VRK3: variants seen among roughly 807,000 people sequenced by gnomAD.
VRK3 encodes VRK serine/threonine kinase 3, also known as serine/threonine-protein kinase VRK3.
Under a neutral mutation model 60.4 loss-of-function variants are expected in VRK3, and 50 were observed. That is an observed-to-expected ratio of 0.83 (90% CI 0.66 to 1.05). The LOEUF is 1.05. Ranked by LOEUF, VRK3 falls within the 50% of genes least tolerant of loss-of-function variation. VRK3 has a pLI of 0.00. For synonymous variants in VRK3, 246 were observed against 227.8 expected (o/e 1.08, Z -0.72); for missense variants, 549 against 585.3 (o/e 0.94, Z 0.64).
chr19:50,007,577 A>G lies in VRK3; in HGVS notation c.539T>C (p.Leu180Pro), dbSNP rs373392451. 1 of 1,614,192 alleles carries G rather than the reference A, an allele frequency of 6.2e-7. No individual in the cohort carries two copies. The highest frequency in any genetic ancestry group is 8.5e-7 in the Non-Finnish European group (1 of 1,180,038). The change falls in exon 5 of 15, where the codon CTC (leucine) becomes CCC (proline). Residue 180 changes from leucine to proline, a missense_variant. Coordinates refer to ENST00000316763, the MANE Select transcript of VRK3 (RefSeq NM_016440.4). ...SFQTRDNQGI[L>P]YEAAPTSTLT... Reference sequence around the variant, plus strand: ...CCATGGACAGAGTGTACCTTCATAGAGAATGCCCTGGTTGTCCCTGGTCTG... The same window carrying G: ...CCATGGACAGAGTGTACCTTCATAGGGAATGCCCTGGTTGTCCCTGGTCTG...
At chr19:49,995,774 A>C (rs1267590526) in intron 7 of VRK3, among the ~76,000 whole-genome samples, 1 of 151,982 alleles carries the variant, frequency 6.6e-6, no homozygotes, top group Non-Finnish European at 1.5e-5. Context: ...TTTGAGACGA[A>C]GTTTTGCTCT....
chr19:50,013,735 ACAG>A (rs896188238), intron 3 of VRK3, among the ~76,000 whole-genome samples: 5 of 152,222 alleles, frequency 3.3e-5, no homozygotes, highest in African/African-American at 1.2e-4. Flanking sequence ...TGCTGTGCAA[ACAG>A]CAGGTTACAA....
chr19:49,986,086 C>T lies in VRK3; in HGVS notation c.1217+2286G>A, dbSNP rs117303106. ...AGTCAGTAGAAGGAAGTCAAAATGA[C>T]GACACACATCCCCTTCTCTGAAGGA... On this transcript the variant is annotated intron_variant, in intron 12 of 14. Coordinates refer to ENST00000316763, the MANE Select transcript of VRK3 (RefSeq NM_016440.4). 5.2e-3 allele frequency among the ~76,000 whole-genome samples: 792 copies of T among 152,310 alleles called. 4 individuals carry two copies. Among genetic ancestry groups the T allele is most frequent in the Non-Finnish European group, 9.0e-3 (615 of 68,034 alleles).
intron 10 of VRK3, among the ~76,000 whole-genome samples, chr19:49,991,678 G>A (rs1331977960): frequency 6.6e-6 from 1 of 152,176 alleles, no homozygotes; most frequent in Non-Finnish European, 1.5e-5. Context: ...AAGCTTTGGG[G>A]ATTTAAGCCT....
chr19:49,983,496 A>G (rs1333595154), intron 12 of VRK3, among the ~76,000 whole-genome samples: 1 of 152,166 alleles, frequency 6.6e-6, no homozygotes, highest in Non-Finnish European at 1.5e-5. Context: ...TTGTGCCATC[A>G]ACAGGACATT....
intron 12 of VRK3, chr19:49,981,768 C>A (rs573918714): frequency 1.9e-6 from 2 of 1,032,484 alleles, no homozygotes; most frequent in African/African-American, 1.7e-5. Flanking sequence ...AGGTGACCTC[C>A]CCACCCGTCC....
In VRK3 at chr19:50,004,795, A is replaced by G. The variant is rs529486030; in HGVS notation, c.547+2774T>C. Among the ~76,000 whole-genome samples the G allele has an allele frequency of 5.9e-5, 9 of 152,048 alleles. No homozygotes were observed. In the South Asian group the frequency reaches 1.9e-3, roughly 32 times the overall value. Reference sequence around the variant, plus strand: ...CGTGGTGGCGCCTGCCTGTAGTCCAAGCTACTCGGGAGGCTGAGGGGGGAG... The same window carrying G: ...CGTGGTGGCGCCTGCCTGTAGTCCAGGCTACTCGGGAGGCTGAGGGGGGAG... On this transcript the variant is annotated intron_variant, in intron 5 of 14. Transcript: ENST00000316763.
At chr19:49,987,351 G>C (rs142567492) in intron 12 of VRK3, among the ~76,000 whole-genome samples, 171 of 152,222 alleles carry the variant, frequency 1.1e-3, no homozygotes, top group African/African-American at 3.9e-3. Flanking sequence ...GCTGTTCTTG[G>C]TGCTGAACAC....
intron 3 of VRK3, among the ~76,000 whole-genome samples, chr19:50,012,064 C>T (rs374837376): frequency 2.6e-5 from 4 of 152,056 alleles, no homozygotes; most frequent in East Asian, 3.9e-4. Context: ...CTCTCCCTTC[C>T]GGGTTCAAGC....
chr19:50,000,726 G>A lies in VRK3; in HGVS notation c.612+64C>T. On this transcript the variant is annotated intron_variant, in intron 6 of 14. Coordinates refer to ENST00000316763, the MANE Select transcript of VRK3 (RefSeq NM_016440.4). ...TCCCAGCTGACAGACGGGCTCAGAAGTCAAGGATGTGTTTGTGAAAGTCCC... is the reference window on the plus strand; with the variant it reads ...TCCCAGCTGACAGACGGGCTCAGAAATCAAGGATGTGTTTGTGAAAGTCCC... 5 of 1,538,330 alleles carry A rather than the reference G, an allele frequency of 3.3e-6. No homozygotes were observed. In the South Asian group the frequency reaches 4.7e-5, roughly 15 times the overall value.
At chr19:49,984,462 T>G (rs983891604) in intron 12 of VRK3, among the ~76,000 whole-genome samples, 2 of 152,136 alleles carry the variant, frequency 1.3e-5, no homozygotes, top group Non-Finnish European at 2.9e-5. Context: ...GCTCCCACAG[T>G]GCCGGGCTAC....
At chr19:49,982,787 C>T (rs554521025) in intron 12 of VRK3, among the ~76,000 whole-genome samples, 44 of 152,318 alleles carry the variant, frequency 2.9e-4, no homozygotes, top group Middle Eastern at 3.4e-3. Context: ...AACACAAACA[C>T]ATGCATGCAC....
intron 1 of VRK3, among the ~76,000 whole-genome samples, chr19:50,024,699 C>T (rs2122751934): frequency 6.6e-6 from 1 of 152,304 alleles, no homozygotes; most frequent in Admixed American, 6.5e-5. Context: ...ATAGTAAACG[C>T]TCAATAAAAT....
At chr19:50,023,420 G>C (rs946221723) in intron 1 of VRK3, among the ~76,000 whole-genome samples, 1 of 152,146 alleles carries the variant, frequency 6.6e-6, no homozygotes, top group Non-Finnish European at 1.5e-5. Context: ...CCTGACCTCA[G>C]GTGATCCCCC....
At chr19:50,008,791 C>T (rs752675735) in intron 4 of VRK3, 1 of 154,364 alleles carries the variant, frequency 6.5e-6, no homozygotes, top group African/African-American at 2.4e-5. Context: ...TCAAGAGAAG[C>T]TTCCTAGAGA....
intron 8 of VRK3, 111 bp downstream of exon 8, chr19:49,995,080 G>A: frequency 7.6e-7 from 1 of 1,319,366 alleles, no homozygotes. Flanking sequence ...CTACGAGAAG[G>A]CAGGAAGCAA....
At chr19:50,006,461 T>C (rs1465784435) in intron 5 of VRK3, among the ~76,000 whole-genome samples, 2 of 151,150 alleles carry the variant, frequency 1.3e-5, no homozygotes, top group Non-Finnish European at 2.9e-5. Context: ...CTGCAAGCTC[T>C]GCCTCCCGGG....
rs1365645332 is a variant in VRK3, at chr19:49,988,433, C to T, written c.1156G>A (p.Gly386Arg). 9.3e-6 allele frequency: 15 copies of T among 1,613,560 alleles called. No individual in the cohort carries two copies. Among genetic ancestry groups the T allele is most frequent in the South Asian group, 3.3e-5 (3 of 91,048 alleles). ...AGGCAATTTGTCCATGGCAGAAACC[C>T]GTAGAGCCACTTCAGCATGCAGTAG... Reference protein sequence around the residue: ...LGYCMLKWLYGFLPWTNCLPN... With the variant: ...LGYCMLKWLYRFLPWTNCLPN... The change falls in exon 12 of 15, where the codon GGG becomes AGG. Residue 386 changes from glycine (G) to arginine (R), a missense_variant. Physicochemically the swap from Gly to Arg is moderately radical, Grantham distance 125 (BLOSUM62 -2). Coordinates refer to ENST00000316763, the MANE Select transcript of VRK3 (RefSeq NM_016440.4).
intron 3 of VRK3, among the ~76,000 whole-genome samples, chr19:50,013,257 G>T (rs1370078220): frequency 6.6e-6 from 1 of 152,226 alleles, no homozygotes; most frequent in East Asian, 1.9e-4. Context: ...TGGAGATGAA[G>T]AAGTCAACTT....
Sources: gnomAD v4.1 joint callset for allele counts (sites outside exome capture counted in the v4.1 genomes callset) on GRCh38, gnomAD v4.1.1 for gene constraint, MANE v1.5 for transcripts, NCBI Gene and HGNC (gene_info 2026-07-23, HGNC 2026-07-21) for gene names.